Variants in CLSTN2 observed in about 807,000 individuals in gnomAD.
CLSTN2 encodes the protein calsyntenin 2.
CLSTN2 carries 48 observed loss-of-function variants against 101.2 expected under a neutral mutation model. The observed-to-expected ratio is 0.47, with a 90% CI of 0.38 to 0.60. The LOEUF (loss-of-function observed/expected upper bound fraction) is 0.60. Among genes scored for constraint, CLSTN2 ranks in the 20% least tolerant of loss-of-function variants. CLSTN2 has a pLI of 0.00. For synonymous variants in CLSTN2, 481 were observed against 463.6 expected, an observed-to-expected ratio of 1.04 and a Z score of -0.48; for missense variants, 1,160 against 1,238.2, an observed-to-expected ratio of 0.94 and a Z score of 0.95.
chr3:140,046,263 T>C (rs1484343948), intron 1 of CLSTN2, among the ~76,000 whole-genome samples: 7 of 152,218 alleles, frequency 4.6e-5, no homozygotes, highest in Admixed American at 3.9e-4. Context: ...TTTACCATTA[T>C]GTAATGGCCT....
At chr3:139,989,497 C>G (rs1936083053) in intron 1 of CLSTN2, among the ~76,000 whole-genome samples, 1 of 152,284 alleles carries the variant, frequency 6.6e-6, no homozygotes, top group Non-Finnish European at 1.5e-5. Context: ...CAGTCTCCGC[C>G]ACTCTCCATC....
chr3:140,428,818 C>T (rs2088599445), intron 5 of CLSTN2, among the ~76,000 whole-genome samples: 1 of 152,196 alleles, frequency 6.6e-6, no homozygotes, highest in African/African-American at 2.4e-5. Context: ...AAATTGTCTG[C>T]ACTGTGTCTT....
chr3:140,218,225 T>G (rs75786023), intron 2 of CLSTN2, among the ~76,000 whole-genome samples: 2 of 152,356 alleles, frequency 1.3e-5, no homozygotes, highest in South Asian at 2.1e-4. Context: ...TGAGAGATTC[T>G]GGTATTTAGA....
intron 1 of CLSTN2, among the ~76,000 whole-genome samples, chr3:139,979,547 T>G (rs764339758): frequency 6.6e-6 from 1 of 151,840 alleles, no homozygotes; most frequent in African/African-American, 2.4e-5. Context: ...TCTAAAAAAA[T>G]AATTTAAAAA....
At chr3:140,064,793 C>A (rs2008270380) in intron 1 of CLSTN2, among the ~76,000 whole-genome samples, 1 of 151,940 alleles carries the variant, frequency 6.6e-6, no homozygotes, top group Non-Finnish European at 1.5e-5. Flanking sequence ...TTAAAGAAAC[C>A]AGTAGACATT....
rs536861946 is a variant in CLSTN2 at position 140,562,158 on chromosome 3, G to C, written c.2062G>C (p.Glu688Gln). Reference protein sequence around the residue: ...KTTDPKSEVLEEMLHNLDFCD... With the variant: ...KTTDPKSEVLQEMLHNLDFCD... ...TACAGACCCCAAATCAGAAGTCTTA[G>C]AGGAAATGCTTCATAACTTAGATTT... The change falls in exon 13 of 17, where the codon GAG becomes CAG. Residue 688 changes from glutamate (E) to glutamine (Q), a missense_variant. Transcript: ENST00000458420. 6.2e-7 allele frequency: 1 copy of C among 1,614,058 alleles called. No individual in the cohort carries two copies. Among genetic ancestry groups the C allele is most frequent in the Non-Finnish European group, 8.5e-7 (1 of 1,179,956 alleles).
intron 1 of CLSTN2, among the ~76,000 whole-genome samples, chr3:140,156,717 G>A (rs2009959991): frequency 6.6e-6 from 1 of 152,126 alleles, no homozygotes; most frequent in Admixed American, 6.5e-5. Flanking sequence ...TGTAGGTGTT[G>A]GTTTCATCAC....
At chr3:140,445,007 A>G (rs1305834254) in intron 5 of CLSTN2, among the ~76,000 whole-genome samples, 1 of 152,200 alleles carries the variant, frequency 6.6e-6, no homozygotes, top group Admixed American at 6.5e-5. Context: ...TCACTCTCTC[A>G]AGTACACTGT....
chr3:140,424,842 G>C (rs1009515934), intron 5 of CLSTN2, among the ~76,000 whole-genome samples: 3 of 152,120 alleles, frequency 2.0e-5, no homozygotes, highest in African/African-American at 7.2e-5. Context: ...GCTGTGACTG[G>C]AGAGATGTGG....
At chr3:140,193,283 T>C (rs1159196118) in intron 2 of CLSTN2, among the ~76,000 whole-genome samples, 1 of 133,412 alleles carries the variant, frequency 7.5e-6, no homozygotes, top group Admixed American at 7.4e-5. Flanking sequence ...TTTTTTTTTT[T>C]GGTTTTGAAC....
At chr3:140,392,887 T>C (rs1420052509) in intron 2 of CLSTN2, among the ~76,000 whole-genome samples, 2 of 152,038 alleles carry the variant, frequency 1.3e-5, no homozygotes, top group Non-Finnish European at 2.9e-5. Context: ...AAGTCCATGG[T>C]CGAGGGGCCA....
At chr3:140,432,243 G>C (rs1364768233) in intron 5 of CLSTN2, among the ~76,000 whole-genome samples, 1 of 152,180 alleles carries the variant, frequency 6.6e-6, no homozygotes, top group Non-Finnish European at 1.5e-5. Context: ...CTGCTGTTCA[G>C]CTTTGGCTTC....
intron 2 of CLSTN2, among the ~76,000 whole-genome samples, chr3:140,309,058 T>A (rs1432352733): frequency 6.6e-6 from 1 of 152,258 alleles, no homozygotes; most frequent in East Asian, 1.9e-4. Flanking sequence ...GAGAACATGC[T>A]GAGTGCTTGA....
intron 2 of CLSTN2, among the ~76,000 whole-genome samples, chr3:140,260,806 T>C (rs1356873257): frequency 6.6e-6 from 1 of 152,306 alleles, no homozygotes; most frequent in South Asian, 2.1e-4. Context: ...TTGGCTGTAG[T>C]AGTTTCTCAG....
chr3:140,205,629 A>ACCCCC (rs1462275277), intron 2 of CLSTN2, among the ~76,000 whole-genome samples: 2 of 71,236 alleles, frequency 2.8e-5, no homozygotes, highest in Non-Finnish European at 7.1e-5. Flanking sequence ...CCCCCCACCC[A>ACCCCC]CACACACACA....
At chr3:140,229,561 C>T (rs1278088509) in intron 2 of CLSTN2, among the ~76,000 whole-genome samples, 1 of 151,754 alleles carries the variant, frequency 6.6e-6, no homozygotes. Flanking sequence ...CTTGACAAAG[C>T]ACGAACTGAA....
intron 1 of CLSTN2, among the ~76,000 whole-genome samples, chr3:140,143,595 G>A (rs2009735261): frequency 6.6e-6 from 1 of 152,174 alleles, no homozygotes; most frequent in African/African-American, 2.4e-5. Flanking sequence ...CCTGAGCCCA[G>A]CAAAGCTGAC....
chr3:139,969,311 C>G (rs1935655209), intron 1 of CLSTN2, among the ~76,000 whole-genome samples: 1 of 152,212 alleles, frequency 6.6e-6, no homozygotes, highest in African/African-American at 2.4e-5. Context: ...TTCAGTGTCA[C>G]TGCCTACCCT....
intron 1 of CLSTN2, among the ~76,000 whole-genome samples, chr3:139,999,531 G>T (rs1012134295): frequency 2.0e-5 from 3 of 152,240 alleles, no homozygotes; most frequent in African/African-American, 7.2e-5. Flanking sequence ...CCTGAATGGG[G>T]ACCCTGTGGG....
Sources: allele counts gnomAD v4.1 joint callset (sites outside exome capture counted in the v4.1 genomes callset), GRCh38; gene constraint gnomAD v4.1.1; transcripts MANE v1.5; gene names NCBI Gene and HGNC (gene_info 2026-07-23, HGNC 2026-07-21).